KCTD7: variants seen among roughly 807,000 people sequenced by gnomAD.
KCTD7 encodes potassium channel tetramerization domain containing 7, also known as BTB/POZ domain-containing protein KCTD7.
KCTD7 carries 15 observed loss-of-function variants against 27.0 expected under a neutral mutation model. The ratio of observed to expected loss-of-function variants is 0.56; its 90% confidence interval spans 0.37 to 0.86. The LOEUF (loss-of-function observed/expected upper bound fraction) is 0.86, where lower values mean the gene tolerates loss of function less well. Ranked by LOEUF, KCTD7 falls within the 40% of genes least tolerant of loss-of-function variation. The probability of loss-of-function intolerance (pLI) is 0.00; values close to 1 mark genes in which losing one functional copy is unlikely to be tolerated. For missense variants in KCTD7, 299 were observed against 398.9 expected, an observed-to-expected ratio of 0.75 and a Z score of 2.13; for synonymous variants, 159 against 162.7, an observed-to-expected ratio of 0.98 and a Z score of 0.17.
chr7:66,640,034 G>C lies in KCTD7; in HGVS notation c.*802G>C. On this transcript the variant is annotated 3_prime_UTR_variant, in exon 4 of 4. Coordinates refer to ENST00000639828, the MANE Select transcript of KCTD7 (RefSeq NM_153033.5). ...AAGATTCCCCAAGTCAAGCAGGCAAGATGCCTAGATCTTCTGTTATCTTTG... is the reference window on the plus strand; with the variant it reads ...AAGATTCCCCAAGTCAAGCAGGCAACATGCCTAGATCTTCTGTTATCTTTG... 1 of 1,260,148 alleles carries C rather than the reference G, an allele frequency of 7.9e-7. No individual in the cohort carries two copies. The highest frequency in any genetic ancestry group is 3.6e-5 in the South Asian group (1 of 27,882). The allele number at this position is 1,260,148 out of a possible 1,614,324, so 78.1% of individuals were successfully genotyped here. A position where few individuals can be genotyped will look rare whatever the true frequency, so the allele number is the denominator to read the frequency against.
At chr7:66,631,312 T>G (rs188136962) in intron 1 of KCTD7, among the ~76,000 whole-genome samples, 328 of 152,304 alleles carry the variant, frequency 2.2e-3, no homozygotes, top group Non-Finnish European at 2.3e-3. Context: ...TGCATGGCTA[T>G]AATCCCAGCA....
chr7:66,640,605 T>C lies in KCTD7; in HGVS notation c.*1373T>C. 1 of 1,392,534 alleles carries C rather than the reference T, an allele frequency of 7.2e-7. No homozygotes were observed. Among genetic ancestry groups the C allele is most frequent in the African/African-American group, 1.5e-5 (1 of 68,354 alleles). The allele number at this position is 1,392,534 out of a possible 1,614,324, so 86.3% of individuals were successfully genotyped here. ...GTCTCTTCCTGGGTAAAGGGAGATT[T>C]TTTTTTTTAATGTGTAAAGAATTGA... On this transcript the variant is annotated 3_prime_UTR_variant, in exon 4 of 4. Transcript: ENST00000639828.
intron 2 of KCTD7, among the ~76,000 whole-genome samples, chr7:66,634,397 A>G (rs185200681): frequency 6.6e-4 from 100 of 150,926 alleles, no homozygotes; most frequent in African/African-American, 2.0e-3. Context: ...GGGTCTTGCT[A>G]TGTTGCCCAG....
At chr7:66,632,930 G>A (rs769107346) in intron 1 of KCTD7, among the ~76,000 whole-genome samples, 16 of 151,442 alleles carry the variant, frequency 1.1e-4, no homozygotes, top group East Asian at 1.9e-4. Flanking sequence ...GGTGGAGGGC[G>A]CCTGTAGTCC....
rs774026720 is a variant in KCTD7 at position 66,638,273 on chromosome 7, G to C, written c.335G>C (p.Arg112Pro). 1 of 1,614,076 alleles carries C rather than the reference G, an allele frequency of 6.2e-7. No homozygotes were observed. ...CTTAGAGATGTGCTGAATTTCCTGC[G>C]CTCAGGGGACCTCCCACCCAGGGAG... ...THFGDVLNFL[R>P]SGDLPPRERV... is the part of the protein sequence containing the mutation. Residue 112 changes from arginine to proline, a missense_variant, in exon 3 of 4, where the codon CGC (arginine) becomes CCC (proline). Transcript: ENST00000639828.
At position 66,640,838 on chromosome 7, in the gene KCTD7, A is replaced by G. The variant is rs555633304; in HGVS notation, c.*1606A>G. On this transcript the variant is annotated 3_prime_UTR_variant, in exon 4 of 4. Transcript: ENST00000639828. ...CCTGGGCAACACCATCGTAAAAATAAATAAATAAATAAATAAATTGGGGAG... is the reference window on the plus strand; with the variant it reads ...CCTGGGCAACACCATCGTAAAAATAGATAAATAAATAAATAAATTGGGGAG... The G allele has an allele frequency of 9.2e-6, 9 of 979,708 alleles. No individual in the cohort carries two copies. The South Asian group carries it at 1.4e-4, about 15-fold the overall frequency. The allele number at this position is 979,708 out of a possible 1,614,324, so 60.7% of individuals were successfully genotyped here. A position where few individuals can be genotyped will look rare whatever the true frequency, so the allele number is the denominator to read the frequency against.
intron 1 of KCTD7, 149 bp from the exon 2 acceptor site, chr7:66,633,126 G>T: frequency 2.7e-6 from 2 of 750,312 alleles, no homozygotes; most frequent in East Asian, 5.4e-5. Context: ...GCAGAGGGAG[G>T]AGAGAGAAGA....
At chr7:66,637,511 A>G (rs1786614661) in intron 2 of KCTD7, among the ~76,000 whole-genome samples, 1 of 152,256 alleles carries the variant, frequency 6.6e-6, no homozygotes, top group Admixed American at 6.5e-5. Flanking sequence ...GCAAGGGTAT[A>G]CTTACATAAT....
At chr7:66,629,396 C>A (rs866407655) in intron 1 of KCTD7, among the ~76,000 whole-genome samples, 188 bp downstream of exon 1, 76 of 151,888 alleles carry the variant, frequency 5.0e-4, no homozygotes, top group African/African-American at 1.8e-3. Flanking sequence ...ACCTTCAACC[C>A]CTGTCAATTA....
At position 66,639,755 on chromosome 7, in the gene KCTD7, C is replaced by T; in HGVS notation, c.*523C>T. ...GAGCATCTTCTCTCCCACTGCACCC[C>T]TTCTCCTCCAAGAATAGTTGCCCAC... On this transcript the variant is annotated 3_prime_UTR_variant, in exon 4 of 4. Coordinates refer to ENST00000639828, the MANE Select transcript of KCTD7 (RefSeq NM_153033.5). The T allele has an allele frequency of 1.6e-6, 2 of 1,250,518 alleles. No homozygotes were observed. Among genetic ancestry groups the T allele is most frequent in the South Asian group, 3.8e-5 (1 of 26,528 alleles). The allele number at this position is 1,250,518 out of a possible 1,614,324, so 77.5% of individuals were successfully genotyped here.
rs1584400238 is a variant in KCTD7, at chr7:66,639,671, G to A, written c.*439G>A. Reference sequence around the variant, plus strand: ...GTGCTCAGTATATTGGTGTGAACACGGAACATGATGGGGGATTTACCTGAC... The same window carrying A: ...GTGCTCAGTATATTGGTGTGAACACAGAACATGATGGGGGATTTACCTGAC... On this transcript the variant is annotated 3_prime_UTR_variant, in exon 4 of 4. Transcript: ENST00000639828. 6 of 1,266,734 alleles carry A rather than the reference G, an allele frequency of 4.7e-6. No individual in the cohort carries two copies. Among genetic ancestry groups the A allele is most frequent in the South Asian group, 3.0e-5 (1 of 33,734 alleles). The allele number at this position is 1,266,734 out of a possible 1,614,324, so 78.5% of individuals were successfully genotyped here.
At chr7:66,635,914 G>A (rs1786574601) in intron 2 of KCTD7, among the ~76,000 whole-genome samples, 2 of 152,026 alleles carry the variant, frequency 1.3e-5, no homozygotes, top group African/African-American at 2.4e-5. Context: ...GCTCACCAAG[G>A]TTTGCTGAAG....
Position 66,639,120 on chromosome 7 carries a change from C to T in KCTD7, c.758C>T (p.Ser253Leu), listed in dbSNP as rs761940050. The T allele has an allele frequency of 1.2e-5, 19 of 1,614,160 alleles. No individual in the cohort carries two copies. The Middle Eastern group carries it at 1.2e-3, about 98-fold the overall frequency. The part of the protein sequence containing the change: ...DLLHCLVTDL[S>L]AQGLTVDHQC... ...CTGCACTGCCTGGTCACGGACCTCT[C>T]GGCCCAGGGTCTCACCGTGGACCAC... is the stretch of plus-strand genomic sequence containing the variant. The change falls in exon 4 of 4, where the codon TCG becomes TTG. Residue 253 changes from serine (S) to leucine (L), a missense_variant. Ser to Leu is a moderately radical substitution (Grantham distance 145). Coordinates refer to ENST00000639828, the MANE Select transcript of KCTD7 (RefSeq NM_153033.5).
intron 1 of KCTD7, among the ~76,000 whole-genome samples, chr7:66,632,295 G>A (rs1242177669): frequency 6.6e-6 from 1 of 151,952 alleles, no homozygotes; most frequent in Admixed American, 6.6e-5. Context: ...AGACAATCCT[G>A]GCTAACACGG....
rs543425519 is a variant in KCTD7, at chr7:66,642,952, A to G, written c.*3720A>G. 13 of 985,380 alleles carry G rather than the reference A, an allele frequency of 1.3e-5. No homozygotes were observed. The African/African-American group carries it at 1.4e-4, about 11-fold the overall frequency. 61.0% of individuals were successfully genotyped at this position (985,380 alleles called of 1,614,324 possible). A position where few individuals can be genotyped will look rare whatever the true frequency, so the allele number is the denominator to read the frequency against. On this transcript the variant is annotated 3_prime_UTR_variant, in exon 4 of 4. Coordinates refer to ENST00000639828, the MANE Select transcript of KCTD7 (RefSeq NM_153033.5). ...ATGGTGTTGGGTTTATGTACACACT[A>G]TAACACTTCCTGTGTGAGTTCATGT...
At chr7:66,643,152 TGG>T, downstream of KCTD7, 1 of 948,930 alleles carries the variant, frequency 1.1e-6, no homozygotes, top group Non-Finnish European at 1.2e-6. Flanking sequence ...GTGGTGTGTT[TGG>T]GGATGCCCCA....
chr7:66,638,467 G>C (rs1181367670), intron 3 of KCTD7, 36 bp downstream of exon 3: 1 of 1,607,530 alleles, frequency 6.2e-7, no homozygotes, highest in African/African-American at 1.3e-5. Context: ...GGGTATGTGG[G>C]AGGAGGTCTG....
intron 2 of KCTD7, among the ~76,000 whole-genome samples, chr7:66,633,695 T>C (rs1465627051): frequency 6.6e-6 from 1 of 151,616 alleles, no homozygotes; most frequent in Non-Finnish European, 1.5e-5. Context: ...AATTAAACAA[T>C]TTTTATTTTC....
intron 1 of KCTD7, among the ~76,000 whole-genome samples, chr7:66,632,280 G>A (rs1335779853): frequency 6.6e-6 from 1 of 151,968 alleles, no homozygotes; most frequent in Non-Finnish European, 1.5e-5. Flanking sequence ...GAGGTCAGGA[G>A]ATCGAGACAA....
Sources: allele counts gnomAD v4.1 joint callset (sites outside exome capture counted in the v4.1 genomes callset), GRCh38; gene constraint gnomAD v4.1.1; transcripts MANE v1.5; gene names NCBI Gene and HGNC (gene_info 2026-07-23, HGNC 2026-07-21).